Variants in KCNH7 observed in about 807,000 individuals in gnomAD.
The protein encoded by KCNH7 is voltage-gated inwardly rectifying potassium channel KCNH7.
In KCNH7, 49 loss-of-function variants were observed where a neutral mutation model predicts 120.8. That is an observed-to-expected ratio of 0.41 (90% CI 0.32 to 0.51). The LOEUF (loss-of-function observed/expected upper bound fraction) is 0.51, where lower values mean the gene tolerates loss of function less well. Ranked by LOEUF, KCNH7 falls within the 20% of genes least tolerant of loss-of-function variation. KCNH7 has a pLI of 0.38. For missense variants in KCNH7, 1,097 were observed against 1,446.6 expected, an observed-to-expected ratio of 0.76 and a Z score of 3.92; for synonymous variants, 547 against 516.1, an observed-to-expected ratio of 1.06 and a Z score of -0.81.
intron 5 of KCNH7, among the ~76,000 whole-genome samples, chr2:162,505,828 C>T (rs1165123404): frequency 1.3e-5 from 2 of 151,700 alleles, no homozygotes; most frequent in African/African-American, 2.4e-5. Flanking sequence ...AACCCATTTT[C>T]GGGATCAAAA....
At chr2:162,752,645 T>A (rs1688593990) in intron 2 of KCNH7, among the ~76,000 whole-genome samples, 1 of 151,934 alleles carries the variant, frequency 6.6e-6, no homozygotes, top group Non-Finnish European at 1.5e-5. Flanking sequence ...ACGTCTGTAA[T>A]CCCAGCACTT....
At chr2:162,798,932 A>G (rs1424728401) in intron 2 of KCNH7, among the ~76,000 whole-genome samples, 2 of 152,024 alleles carry the variant, frequency 1.3e-5, no homozygotes, top group African/African-American at 4.8e-5. Context: ...GCTGCAAAAG[A>G]CCAGACATCC....
chr2:162,435,518 G>A lies in KCNH7; in HGVS notation c.1634C>T (p.Ser545Leu). Residue 545 changes from serine (S) to leucine (L), a missense_variant, in exon 8 of 16, where the codon TCA (serine) becomes TTA (leucine). Ser to Leu is a moderately radical substitution (Grantham distance 145). Coordinates refer to ENST00000332142, the MANE Select transcript of KCNH7 (RefSeq NM_033272.4). ...CATTAGAACAGCAGCGCCATATTCT[G>A]AATATCGATCCAGTTTCCTGGCCAC... The part of the protein sequence containing the change: ...VRVARKLDRY[S>L]EYGAAVLMLL... The A allele has an allele frequency of 6.2e-7, 1 of 1,613,654 alleles. No homozygotes were observed. The highest frequency in any genetic ancestry group is 8.5e-7 in the Non-Finnish European group (1 of 1,179,776).
At chr2:162,555,583 TA>T (rs569488725) in intron 2 of KCNH7, among the ~76,000 whole-genome samples, 1 of 152,178 alleles carries the variant, frequency 6.6e-6, no homozygotes, top group Non-Finnish European at 1.5e-5. Context: ...TTACCTGTCA[TA>T]AAAAATAAAA....
At chr2:162,655,284 TG>T (rs1488591895) in intron 2 of KCNH7, among the ~76,000 whole-genome samples, 1 of 152,164 alleles carries the variant, frequency 6.6e-6, no homozygotes, top group African/African-American at 2.4e-5. Context: ...AAAAATAAAT[TG>T]ATCAATTAAA....
intron 12 of KCNH7, among the ~76,000 whole-genome samples, chr2:162,385,242 A>G (rs568389796): frequency 1.3e-5 from 2 of 152,026 alleles, no homozygotes; most frequent in African/African-American, 4.8e-5. Context: ...AATCTGGTAC[A>G]CTCTTTCTTT....
intron 2 of KCNH7, among the ~76,000 whole-genome samples, chr2:162,632,470 T>G (rs1338186001): frequency 1.3e-5 from 2 of 151,902 alleles, no homozygotes; most frequent in Non-Finnish European, 2.9e-5. Flanking sequence ...AAAATATTTT[T>G]TATCAAACTC....
At chr2:162,775,130 A>T (rs1683186680) in intron 2 of KCNH7, among the ~76,000 whole-genome samples, 1 of 152,162 alleles carries the variant, frequency 6.6e-6, no homozygotes, top group Admixed American at 6.6e-5. Context: ...CTAGAAATAC[A>T]CTACTCTCCT....
intron 2 of KCNH7, among the ~76,000 whole-genome samples, chr2:162,775,606 GA>G (rs1274385740): frequency 6.6e-6 from 1 of 152,012 alleles, no homozygotes; most frequent in Non-Finnish European, 1.5e-5. Context: ...CAAAGAAAAG[GA>G]AAAAAACTAA....
intron 2 of KCNH7, among the ~76,000 whole-genome samples, chr2:162,641,405 G>T (rs920185044): frequency 6.6e-6 from 1 of 152,112 alleles, no homozygotes; most frequent in Non-Finnish European, 1.5e-5. Context: ...ACTACTAAAA[G>T]ATTACATTGT....
intron 2 of KCNH7, among the ~76,000 whole-genome samples, chr2:162,676,584 G>A (rs1427275144): frequency 6.6e-6 from 1 of 151,300 alleles, no homozygotes; most frequent in South Asian, 2.1e-4. Context: ...AGCAAACAAG[G>A]CACTTTCAAT....
intron 2 of KCNH7, among the ~76,000 whole-genome samples, chr2:162,819,996 A>G (rs1685051283): frequency 6.7e-6 from 1 of 149,286 alleles, no homozygotes; most frequent in South Asian, 2.1e-4. Context: ...CATAAATTCT[A>G]CAGTGTGTTT....
intron 2 of KCNH7, among the ~76,000 whole-genome samples, chr2:162,756,426 A>C (rs535739929): frequency 6.6e-6 from 1 of 152,206 alleles, no homozygotes; most frequent in Non-Finnish European, 1.5e-5. Flanking sequence ...TTTATATTAC[A>C]TCTGAGGAAA....
At chr2:162,730,470 A>T (rs1463664109) in intron 2 of KCNH7, among the ~76,000 whole-genome samples, 2 of 151,980 alleles carry the variant, frequency 1.3e-5, no homozygotes, top group Non-Finnish European at 2.9e-5. Context: ...CAATTTAATA[A>T]ATCATTAAAG....
At chr2:162,614,765 G>A (rs1188546074) in intron 2 of KCNH7, among the ~76,000 whole-genome samples, 1 of 149,562 alleles carries the variant, frequency 6.7e-6, no homozygotes, top group Non-Finnish European at 1.5e-5. Context: ...GGAAGGAAAA[G>A]CACAAAATTT....
intron 2 of KCNH7, among the ~76,000 whole-genome samples, chr2:162,705,321 T>A (rs1176442903): frequency 6.6e-6 from 1 of 152,156 alleles, no homozygotes; most frequent in Non-Finnish European, 1.5e-5. Context: ...GAATGGTATA[T>A]TTTAAAGTAT....
intron 2 of KCNH7, among the ~76,000 whole-genome samples, chr2:162,556,682 T>C (rs1040170526): frequency 6.6e-6 from 1 of 152,206 alleles, no homozygotes; most frequent in East Asian, 1.9e-4. Flanking sequence ...TAAATTCAAA[T>C]TTAATCTCAA....
chr2:162,680,986 T>A (rs1460861104), intron 2 of KCNH7, among the ~76,000 whole-genome samples: 1 of 151,758 alleles, frequency 6.6e-6, no homozygotes. Flanking sequence ...AAATCCTTTT[T>A]ATTTAATCAT....
intron 2 of KCNH7, among the ~76,000 whole-genome samples, chr2:162,805,828 A>C (rs1184129888): frequency 6.6e-6 from 1 of 152,190 alleles, no homozygotes; most frequent in Non-Finnish European, 1.5e-5. Context: ...TATGGAACCA[A>C]GTTCAGTGCC....
Sources: gnomAD v4.1 joint callset for allele counts (sites outside exome capture counted in the v4.1 genomes callset) on GRCh38, gnomAD v4.1.1 for gene constraint, MANE v1.5 for transcripts, NCBI Gene and HGNC (gene_info 2026-07-23, HGNC 2026-07-21) for gene names.